The following UGT1A6 variants were observed in gnomAD, a reference collection of about 807,000 sequenced individuals.
The protein encoded by UGT1A6 is UDP-glucuronosyltransferase 1A6.
Under a neutral mutation model 44.4 loss-of-function variants are expected in UGT1A6, and 32 were observed. The observed-to-expected ratio is 0.72, with a 90% CI of 0.54 to 0.97. UGT1A6 has a LOEUF of 0.97. Ranked by LOEUF, UGT1A6 falls within the 50% of genes least tolerant of loss-of-function variation. The probability of loss-of-function intolerance (pLI) is 0.00; values close to 1 mark genes in which losing one functional copy is unlikely to be tolerated. For synonymous variants in UGT1A6, 238 were observed against 248.5 expected, an observed-to-expected ratio of 0.96 and a Z score of 0.40; for missense variants, 685 against 661.9, an observed-to-expected ratio of 1.03 and a Z score of -0.38.
At chr2:233,717,797 G>A (rs1227021075) in intron 1 of UGT1A6, 1 of 455,964 alleles carries the variant, frequency 2.2e-6, no homozygotes, top group African/African-American at 2.0e-5. Context: ...TTGAAGTAGT[G>A]CCCCCACAAA....
At chr2:233,761,742 A>T (rs1697852650) in intron 1 of UGT1A6, among the ~76,000 whole-genome samples, 2 of 152,204 alleles carry the variant, frequency 1.3e-5, no homozygotes, top group South Asian at 4.1e-4. Flanking sequence ...TCCCCTACAG[A>T]GTTTGAAGTA....
intron 1 of UGT1A6, among the ~76,000 whole-genome samples, chr2:233,718,481 T>C (rs1310649637): frequency 1.3e-5 from 2 of 152,114 alleles, no homozygotes; most frequent in Non-Finnish European, 2.9e-5. Context: ...CTGATAAATA[T>C]GGTTAACAGA....
intron 1 of UGT1A6, among the ~76,000 whole-genome samples, chr2:233,702,170 C>T (rs970119817): frequency 7.2e-5 from 11 of 152,194 alleles, no homozygotes; most frequent in African/African-American, 1.4e-4. Flanking sequence ...AGTCACTCTT[C>T]TTTCTCTCCT....
At chr2:233,716,461 A>G (rs2076505023) in intron 1 of UGT1A6, among the ~76,000 whole-genome samples, 1 of 151,896 alleles carries the variant, frequency 6.6e-6, no homozygotes, top group Non-Finnish European at 1.5e-5. Context: ...TTTAAATTTA[A>G]TTTTTGTTTC....
chr2:233,710,571 C>T (rs554761424), intron 1 of UGT1A6, among the ~76,000 whole-genome samples: 17 of 152,284 alleles, frequency 1.1e-4, no homozygotes, highest in Admixed American at 9.8e-4. Context: ...AAAAGGTGCC[C>T]TTTCAAAATC....
intron 1 of UGT1A6, chr2:233,718,888 A>G (rs1440717664): frequency 6.2e-7 from 1 of 1,613,998 alleles, no homozygotes; most frequent in Non-Finnish European, 8.5e-7. Context: ...CTCAGTGTCC[A>G]GCCCTGGGCT....
chr2:233,691,768 T>G (rs1302054982), upstream of UGT1A6: 1 of 382,122 alleles, frequency 2.6e-6, no homozygotes, highest in Non-Finnish European at 3.6e-6. Flanking sequence ...TGCTCTAGGA[T>G]TCTCACCACG....
chr2:233,713,475 G>A, intron 1 of UGT1A6: 1 of 1,614,044 alleles, frequency 6.2e-7, no homozygotes, highest in Non-Finnish European at 8.5e-7. Flanking sequence ...GGCGGTGCTG[G>A]CTAAGTACCT....
At chr2:233,698,798 C>A (rs572322118) in intron 1 of UGT1A6, among the ~76,000 whole-genome samples, 2 of 152,356 alleles carry the variant, frequency 1.3e-5, no homozygotes, top group African/African-American at 4.8e-5. Context: ...AACCTCTGGG[C>A]TCCCAGCCTC....
At chr2:233,750,254 C>A (rs1056169582) in intron 1 of UGT1A6, among the ~76,000 whole-genome samples, 6 of 152,046 alleles carry the variant, frequency 3.9e-5, no homozygotes, top group African/African-American at 1.5e-4. Flanking sequence ...ACAAAGGTCA[C>A]CCTTGCTATG....
intron 1 of UGT1A6, chr2:233,760,371 G>C (rs995864584): frequency 6.2e-7 from 1 of 1,614,040 alleles, no homozygotes. Flanking sequence ...CCCATGCTGG[G>C]AAGATACTGT....
At chr2:233,743,497 A>C (rs1692318154) in intron 1 of UGT1A6, 1 of 1,367,094 alleles carries the variant, frequency 7.3e-7, no homozygotes, top group Admixed American at 1.9e-5. Context: ...GGCAGAGAAA[A>C]GGGGTGCAGA....
chr2:233,727,367 AG>A (rs1325581943), intron 1 of UGT1A6, among the ~76,000 whole-genome samples: 7 of 152,052 alleles, frequency 4.6e-5, no homozygotes, highest in Non-Finnish European at 1.0e-4. Flanking sequence ...TAGGGCCCCT[AG>A]GTCTCTGGAG....
rs1387531688 is a variant in UGT1A6 at position 233,769,376 on chromosome 2, C to T, written c.1301+937C>T. On this transcript the variant is annotated intron_variant, in intron 4 of 4. Transcript: ENST00000305139. The surrounding 1 kb of genome is among the most constrained non-coding windows in gnomAD (Gnocchi z 4.4). ...AGTGGTGGCCAGTGGTAGATTTCAT[C>T]CGACAATAGATACTGTGTGCATATG... Among the ~76,000 whole-genome samples the T allele has an allele frequency of 6.6e-6, 1 of 152,162 alleles. No homozygotes were observed. The highest frequency in any genetic ancestry group is 1.5e-5 in the Non-Finnish European group (1 of 68,030).
chr2:233,768,579 C>G (rs1408640204), intron 4 of UGT1A6, 140 bp downstream of exon 4: 7 of 934,896 alleles, frequency 7.5e-6, no homozygotes, highest in Non-Finnish European at 8.5e-6. Flanking sequence ...ATTTTTATTT[C>G]TTCTTTTTTT....
At chr2:233,757,535 A>AATATATATACATATACATACATATATAT (rs376887521) in intron 1 of UGT1A6, among the ~76,000 whole-genome samples, 2 of 88,312 alleles carry the variant, frequency 2.3e-5, no homozygotes, top group African/African-American at 1.0e-4. Context: ...GCCTGTAAGG[A>AATATATATACATATACATACATATATAT]ATATATATAT....
chr2:233,761,996 A>C (rs1212945255), intron 1 of UGT1A6, among the ~76,000 whole-genome samples: 1 of 151,970 alleles, frequency 6.6e-6, no homozygotes, highest in African/African-American at 2.4e-5. Context: ...CCTTATTTCC[A>C]CTATACCTCC....
rs760907397 is a variant in UGT1A6 at position 233,761,080 on chromosome 2, C to G, written c.862-5954C>G. 1.2e-6 allele frequency: 2 copies of G among 1,614,034 alleles called. No individual in the cohort carries two copies. The highest frequency in any genetic ancestry group is 1.7e-6 in the Non-Finnish European group (2 of 1,180,026). On this transcript the variant is annotated intron_variant, in intron 1 of 4. Coordinates refer to ENST00000305139, the MANE Select transcript of UGT1A6 (RefSeq NM_001072.4). Reference sequence around the variant, plus strand: ...TAGAAGTGACTTTGTGAAGGATTACCCTAGGCCCATCATGCCCAATATGGT... The same window carrying G: ...TAGAAGTGACTTTGTGAAGGATTACGCTAGGCCCATCATGCCCAATATGGT...
chr2:233,767,741 T>TA (rs1481527437), intron 2 of UGT1A6, 108 bp from the exon 3 acceptor site: 1 of 1,582,034 alleles, frequency 6.3e-7, no homozygotes, highest in Non-Finnish European at 8.6e-7. Context: ...CCCACTCTGT[T>TA]AAAGACTGTT....
Sources: allele counts gnomAD v4.1 joint callset (sites outside exome capture counted in the v4.1 genomes callset), GRCh38; gene constraint gnomAD v4.1.1; non-coding constraint Gnocchi (gnomAD v3.1); transcripts MANE v1.5; gene names NCBI Gene and HGNC (gene_info 2026-07-23, HGNC 2026-07-21).